The following RNF212B variants were observed in gnomAD, a reference collection of about 807,000 sequenced individuals.
RNF212B encodes ring finger protein 212B, also known as E3 ubiquitin-protein ligase RNF212B.
RNF212B carries 52 observed loss-of-function variants against 55.5 expected under a neutral mutation model. The ratio of observed to expected loss-of-function variants is 0.94; its 90% CI spans 0.75 to 1.18. RNF212B has a LOEUF of 1.18. Ranked by LOEUF, RNF212B falls within the 50% of genes most tolerant of loss-of-function variation. RNF212B has a pLI of 0.00. For missense variants in RNF212B, 289 were observed against 350.4 expected (o/e 0.82, Z 1.40); for synonymous variants, 99 against 121.4 (o/e 0.82, Z 1.21).
At chr14:23,218,090 C>T (rs1881252746) in intron 2 of RNF212B, among the ~76,000 whole-genome samples, 2 of 151,858 alleles carry the variant, frequency 1.3e-5, no homozygotes, top group South Asian at 4.2e-4. Context: ...AATTGCAGGC[C>T]AGGCGCTGTG....
At chr14:23,252,877 G>A (rs1196037557) in intron 4 of RNF212B, among the ~76,000 whole-genome samples, 4 of 152,158 alleles carry the variant, frequency 2.6e-5, no homozygotes, top group Non-Finnish European at 5.9e-5. Context: ...AGCATCTAGT[G>A]TGATGTGACT....
At chr14:23,236,697 TA>T (rs1883128138), upstream of RNF212B, among the ~76,000 whole-genome samples, 1 of 152,092 alleles carries the variant, frequency 6.6e-6, no homozygotes, top group African/African-American at 2.4e-5. Flanking sequence ...GCAATTTACA[TA>T]AACAAAAGCT....
chr14:23,220,029 C>T (rs1594893155), intron 2 of RNF212B, among the ~76,000 whole-genome samples: 1 of 151,644 alleles, frequency 6.6e-6, no homozygotes, highest in African/African-American at 2.4e-5. Context: ...ACCAAAAATA[C>T]AAAAATTAGC....
At chr14:23,239,632 T>C (rs982980334) in intron 1 of RNF212B, among the ~76,000 whole-genome samples, 2 of 152,078 alleles carry the variant, frequency 1.3e-5, no homozygotes, top group Non-Finnish European at 2.9e-5. Context: ...TTTTTCTTTT[T>C]TTTTGAGACG....
chr14:23,227,202 CTATTT>C (rs1247759533), intron 2 of RNF212B, among the ~76,000 whole-genome samples: 7 of 149,606 alleles, frequency 4.7e-5, no homozygotes. Context: ...GAATCTATAG[CTATTT>C]TATTTTATTA....
chr14:23,264,248 A>G lies in RNF212B; in HGVS notation c.585+14A>G. On this transcript the variant is annotated intron_variant, in intron 10 of 14. Transcript: ENST00000430154. ...AGCTTGGGACAAGTAAGTAATGTTC[A>G]CCTTATCTTTCCAGATTGAAGTTTC... The G allele has an allele frequency of 6.5e-7, 1 of 1,538,160 alleles. No homozygotes were observed. Among genetic ancestry groups the G allele is most frequent in the Non-Finnish European group, 8.8e-7 (1 of 1,136,624 alleles).
rs115017737 is a variant in RNF212B at position 23,206,892 on chromosome 14, A to G, written c.-2+13491A>G. Among the ~76,000 whole-genome samples the G allele has an allele frequency of 8.2e-3, 1,243 of 152,180 alleles. 15 individuals carry two copies. Among genetic ancestry groups the G allele is most frequent in the African/African-American group, 0.028 (1,177 of 41,456 alleles). On this transcript the variant is annotated intron_variant, in intron 2 of 15. Transcript: ENST00000399910. Reference sequence around the variant, plus strand: ...ACAGAATTCAGATAACTGAGAAGAAAAAGAAAAACAAACTTTCGTTAAAAA... The same window carrying G: ...ACAGAATTCAGATAACTGAGAAGAAGAAGAAAAACAAACTTTCGTTAAAAA...
chr14:23,221,758 C>T (rs2140406539), intron 2 of RNF212B, among the ~76,000 whole-genome samples: 1 of 152,222 alleles, frequency 6.6e-6, no homozygotes, highest in South Asian at 2.1e-4. Context: ...AATCTGAAAA[C>T]TTTAAAAAAA....
At chr14:23,211,560 A>G (rs974561793) in intron 2 of RNF212B, among the ~76,000 whole-genome samples, 4 of 152,200 alleles carry the variant, frequency 2.6e-5, no homozygotes, top group Admixed American at 2.0e-4. Context: ...CGTACCAGAA[A>G]ACTAAAGACC....
chr14:23,263,285 G>A (rs1377642925), intron 9 of RNF212B, among the ~76,000 whole-genome samples: 1 of 152,202 alleles, frequency 6.6e-6, no homozygotes, highest in Non-Finnish European at 1.5e-5. Context: ...AGGGAAAGTT[G>A]AGAGTGAGGG....
chr14:23,254,326 AAAAACAAAAACAAAAACT>A lies in RNF212B; in HGVS notation c.229-4217_229-4200del, dbSNP rs1884640710. 2.8e-5 allele frequency among the ~76,000 whole-genome samples: 4 copies of A among 144,870 alleles called. No individual in the cohort carries two copies. The South Asian group carries it at 9.2e-4, about 33-fold the overall frequency. On this transcript the variant is annotated intron_variant, in intron 4 of 14. Coordinates refer to ENST00000430154, the MANE Select transcript of RNF212B (RefSeq NM_001282322.3). Reference sequence around the variant, plus strand: ...ACAAAACAAAACAAAACAAAAAAACAAAAACAAAAACAAAAACTAAAACTAAAACTGGGCATGGTGGCT... The same window carrying A: ...ACAAAACAAAACAAAACAAAAAAACAAAAACTAAAACTGGGCATGGTGGCT...
At chr14:23,214,739 T>C (rs1028280922) in intron 2 of RNF212B, among the ~76,000 whole-genome samples, 11 of 151,888 alleles carry the variant, frequency 7.2e-5, no homozygotes, top group Admixed American at 6.6e-4. Flanking sequence ...AGAAATCAGA[T>C]TTAACATTTG....
chr14:23,232,788 G>T lies in RNF212B; in HGVS notation c.-1-7557G>T, dbSNP rs556679389. 1.1e-4 allele frequency among the ~76,000 whole-genome samples: 16 copies of T among 148,000 alleles called. No homozygotes were observed. The South Asian group carries it at 2.4e-3, about 22-fold the overall frequency. On this transcript the variant is annotated intron_variant, in intron 2 of 15. Coordinates refer to the RNF212B transcript ENST00000399910. ...CCGCCCCGTCTGGGAGGGAGGTGGG[G>T]GGGGGGTCAGCCTCTGCCCGGCCGC...
At position 23,243,298 on chromosome 14, in the gene RNF212B, T is replaced by C; in HGVS notation, c.143T>C (p.Leu48Pro). ...VCGTACKHLA[L>P]SDNLKPQEKM... ...GGAACTGCCTGCAAGCATCTGGCTC[T>C]TTCTGATAATGTAAGTTTTTCTCCC... The change falls in exon 3 of 15, where the codon CTT becomes CCT. Residue 48 changes from leucine to proline, a missense_variant. Leu to Pro is a moderately conservative substitution (Grantham distance 98). Transcript: ENST00000430154. 2 of 1,550,554 alleles carry C rather than the reference T, an allele frequency of 1.3e-6. No homozygotes were observed. The highest frequency in any genetic ancestry group is 8.7e-7 in the Non-Finnish European group (1 of 1,146,966).
chr14:23,199,767 T>C (rs987720723), intron 2 of RNF212B, among the ~76,000 whole-genome samples: 4 of 152,136 alleles, frequency 2.6e-5, no homozygotes, highest in African/African-American at 7.2e-5. Flanking sequence ...ATAGGCCACA[T>C]TTCTCTGAAG....
At position 23,232,722 on chromosome 14, in the gene RNF212B, G is replaced by T. The variant is rs531171629; in HGVS notation, c.-1-7623G>T. 2.7e-3 allele frequency among the ~76,000 whole-genome samples: 397 copies of T among 145,860 alleles called. 3 individuals are homozygous for T. Among genetic ancestry groups the T allele is most frequent in the African/African-American group, 9.8e-3 (383 of 39,202 alleles). On this transcript the variant is annotated intron_variant, in intron 2 of 15. Coordinates refer to the RNF212B transcript ENST00000399910. Reference sequence around the variant, plus strand: ...CAGCCCCCGCCCGGCCAGCCGCCCCGTCCGGGAGGGAGGTGGGGGGGTCAG... The same window carrying T: ...CAGCCCCCGCCCGGCCAGCCGCCCCTTCCGGGAGGGAGGTGGGGGGGTCAG...
At chr14:23,188,617 C>T (rs1030058392) in intron 1 of RNF212B, among the ~76,000 whole-genome samples, 4 of 152,160 alleles carry the variant, frequency 2.6e-5, no homozygotes, top group Middle Eastern at 3.4e-3. Context: ...CAGGTGCACA[C>T]CACTATGCCT....
At chr14:23,268,879 T>C (rs1396461644) in intron 11 of RNF212B, 45 bp from the exon 12 acceptor site, 1 of 1,503,342 alleles carries the variant, frequency 6.7e-7, no homozygotes, top group Non-Finnish European at 9.1e-7. Context: ...GAATCTCTTC[T>C]CCAGTTCATG....
chr14:23,186,252 A>G (rs1190112494), intron 1 of RNF212B, among the ~76,000 whole-genome samples: 3 of 152,232 alleles, frequency 2.0e-5, no homozygotes, highest in Admixed American at 1.3e-4. Flanking sequence ...CCAGGTGACT[A>G]ACATTGAACA....
Sources: allele counts gnomAD v4.1 joint callset (sites outside exome capture counted in the v4.1 genomes callset), GRCh38; gene constraint gnomAD v4.1.1; transcripts MANE v1.5; gene names NCBI Gene and HGNC (gene_info 2026-07-23, HGNC 2026-07-21).